The following ZFHX3 variants were observed in gnomAD, a reference collection of about 807,000 sequenced individuals.
ZFHX3 encodes zinc finger homeobox protein 3.
A neutral mutation model predicts 279.1 loss-of-function variants in ZFHX3; 42 were observed. The observed-to-expected ratio is 0.15, with a 90% confidence interval of 0.12 to 0.19. The LOEUF is 0.19. Among genes scored for constraint, ZFHX3 ranks in the 10% least tolerant of loss-of-function variants. The pLI, the probability that ZFHX3 is intolerant of heterozygous loss-of-function variation, is 1.00. For missense variants in ZFHX3, 4,981 were observed against 4,754.0 expected, an observed-to-expected ratio of 1.05 and a Z score of -1.40; for synonymous variants, 2,293 against 1,957.8, an observed-to-expected ratio of 1.17 and a Z score of -4.52.
intron 1 of ZFHX3, among the ~76,000 whole-genome samples, chr16:73,779,208 T>A (rs1305814310): frequency 6.6e-6 from 1 of 152,008 alleles, no homozygotes; most frequent in South Asian, 2.1e-4. Flanking sequence ...CTGGGGGTGA[T>A]TTTTTTTCTT....
At chr16:72,922,387 C>G (rs1372487507) in intron 3 of ZFHX3, among the ~76,000 whole-genome samples, 1 of 152,194 alleles carries the variant, frequency 6.6e-6, no homozygotes, top group Non-Finnish European at 1.5e-5. Context: ...TGGCCTCTGT[C>G]ACTTGTTAGT....
At chr16:73,566,918 C>T (rs7188519) in intron 2 of ZFHX3, among the ~76,000 whole-genome samples, 4 of 151,958 alleles carry the variant, frequency 2.6e-5, no homozygotes, top group African/African-American at 9.7e-5. Context: ...AGGCTGTTCT[C>T]GAACTCCCAA....
intron 1 of ZFHX3, among the ~76,000 whole-genome samples, chr16:73,023,969 G>A (rs974362804): frequency 2.0e-5 from 3 of 152,172 alleles, no homozygotes; most frequent in South Asian, 4.1e-4. Flanking sequence ...TCTTTTGAGC[G>A]CTCTGTCTTC....
Position 73,810,665 on chromosome 16 carries a change from G to A in ZFHX3, c.-1608+80986C>T, listed in dbSNP as rs539823592. Reference sequence around the variant, plus strand: ...AAAAGAAGAAATAGAAGCTCAAAGAGATTAAAAGACTTAGCCAAGGTCATT... The same window carrying A: ...AAAAGAAGAAATAGAAGCTCAAAGAAATTAAAAGACTTAGCCAAGGTCATT... On this transcript the variant is annotated intron_variant, in intron 1 of 17. Coordinates refer to the ZFHX3 transcript ENST00000641206. Among the ~76,000 whole-genome samples, 8 of 152,118 alleles carry A rather than the reference G, an allele frequency of 5.3e-5. No individual in the cohort carries two copies. In the South Asian group the frequency reaches 1.2e-3, roughly 24 times the overall value.
chr16:73,659,382 T>TTA (rs1260015599), intron 2 of ZFHX3, among the ~76,000 whole-genome samples: 1 of 152,180 alleles, frequency 6.6e-6, no homozygotes, highest in Non-Finnish European at 1.5e-5. Context: ...AAACCTACTT[T>TTA]TATTTCATTT....
intron 1 of ZFHX3, among the ~76,000 whole-genome samples, chr16:72,978,198 C>T (rs572415722): frequency 6.6e-6 from 1 of 152,096 alleles, no homozygotes; most frequent in Non-Finnish European, 1.5e-5. Context: ...AACTCTTTCC[C>T]GAGCATTCAC....
intron 3 of ZFHX3, among the ~76,000 whole-genome samples, chr16:72,902,516 C>T (rs1420012363): frequency 1.3e-5 from 2 of 152,218 alleles, no homozygotes; most frequent in African/African-American, 4.8e-5. Flanking sequence ...CAGCAAGGCA[C>T]CCGTCCCTGG....
chr16:73,647,330 C>T (rs8061728), intron 2 of ZFHX3, among the ~76,000 whole-genome samples: 101,901 of 152,048 alleles, frequency 0.67, 35,772 homozygotes, highest in Middle Eastern at 0.88. Flanking sequence ...ATTTGTGTCT[C>T]CACCCAAATC....
chr16:73,363,049 C>A (rs990326158), intron 3 of ZFHX3, among the ~76,000 whole-genome samples: 1 of 152,198 alleles, frequency 6.6e-6, no homozygotes, highest in South Asian at 2.1e-4. Flanking sequence ...TGGCCTCATG[C>A]CTTTCTTTCA....
At chr16:73,740,861 G>A (rs1341488558) in intron 1 of ZFHX3, among the ~76,000 whole-genome samples, 1 of 152,088 alleles carries the variant, frequency 6.6e-6, no homozygotes, top group African/African-American at 2.4e-5. Context: ...AAATAATTGG[G>A]AAGAAAGAAG....
intron 1 of ZFHX3, among the ~76,000 whole-genome samples, chr16:73,881,480 G>GCCCCCC (rs796522913): frequency 1.3e-4 from 3 of 23,578 alleles, no homozygotes; most frequent in Non-Finnish European, 2.8e-4. Flanking sequence ...CTCTCTCTCT[G>GCCCCCC]CCCCCCCCCC....
At chr16:73,145,452 G>C (rs547429153) in intron 5 of ZFHX3, among the ~76,000 whole-genome samples, 5 of 152,214 alleles carry the variant, frequency 3.3e-5, no homozygotes, top group Admixed American at 1.3e-4. Flanking sequence ...CCTTACCCTG[G>C]GGGGAGGGGG....
At chr16:72,866,606 G>T (rs756352066) in intron 4 of ZFHX3, among the ~76,000 whole-genome samples, 1 of 152,156 alleles carries the variant, frequency 6.6e-6, no homozygotes, top group Non-Finnish European at 1.5e-5. Flanking sequence ...TCTGCAACCA[G>T]ATCTGATCTG....
chr16:73,047,055 C>T (rs1459376654), intron 1 of ZFHX3, among the ~76,000 whole-genome samples: 1 of 152,250 alleles, frequency 6.6e-6, no homozygotes, highest in Non-Finnish European at 1.5e-5. Flanking sequence ...TATCATAACA[C>T]AGGTGTGTCC....
intron 2 of ZFHX3, among the ~76,000 whole-genome samples, chr16:73,568,903 C>G (rs142639406): frequency 1.7e-3 from 262 of 152,190 alleles, no homozygotes; most frequent in Non-Finnish European, 2.7e-3. Context: ...GGTGAGCTGC[C>G]GGTGGAAAGC....
chr16:73,269,852 G>A (rs1163488131), intron 4 of ZFHX3, among the ~76,000 whole-genome samples: 3 of 151,838 alleles, frequency 2.0e-5, no homozygotes, highest in Admixed American at 6.6e-5. Flanking sequence ...GAGTTCAAGC[G>A]ATTCTCCTGC....
chr16:73,864,165 G>C (rs932676410), intron 1 of ZFHX3, among the ~76,000 whole-genome samples: 2 of 152,150 alleles, frequency 1.3e-5, no homozygotes, highest in African/African-American at 4.8e-5. Context: ...CTGACTTCAT[G>C]AATTTACACA....
At chr16:72,945,657 T>C (rs1960628789) in intron 3 of ZFHX3, among the ~76,000 whole-genome samples, 1 of 152,036 alleles carries the variant, frequency 6.6e-6, no homozygotes, top group Non-Finnish European at 1.5e-5. Flanking sequence ...CAGAAGTATG[T>C]ACTTAAAACA....
In ZFHX3 at chr16:72,788,641, G is replaced by C; in HGVS notation, c.9635C>G (p.Pro3212Arg). 3.7e-6 allele frequency: 6 copies of C among 1,613,314 alleles called. No individual in the cohort carries two copies. The highest frequency in any genetic ancestry group is 5.1e-6 in the Non-Finnish European group (6 of 1,179,732). The change falls in exon 10 of 10, where the codon CCG becomes CGG. Residue 3212 changes from proline (P) to arginine (R), a missense_variant. By Grantham distance (103) the Pro-to-Arg change is moderately radical. Coordinates refer to ENST00000268489, the MANE Select transcript of ZFHX3 (RefSeq NM_006885.4). ...QQQPQVQQPP[P>R]PPAAQPPPTP... is the part of the protein sequence containing the mutation. ...GGGTGGCGGCTGGGCTGCTGGCGGC[G>C]GGGGAGGCTGCTGCACCTGTGGTTG...
Sources: allele counts gnomAD v4.1 joint callset (sites outside exome capture counted in the v4.1 genomes callset), GRCh38; gene constraint gnomAD v4.1.1; transcripts MANE v1.5; gene names NCBI Gene and HGNC (gene_info 2026-07-23, HGNC 2026-07-21).